The following RRM2 variants were observed in gnomAD, a reference collection of about 807,000 sequenced individuals.
RRM2 encodes ribonucleoside-diphosphate reductase subunit M2.
In RRM2, 6 loss-of-function variants were observed where a neutral mutation model predicts 45.9. The ratio of observed to expected loss-of-function variants is 0.13; its 90% CI spans 0.07 to 0.26. The LOEUF (loss-of-function observed/expected upper bound fraction) is 0.26, where lower values mean the gene tolerates loss of function less well. Among genes scored for constraint, RRM2 ranks in the 10% least tolerant of loss-of-function variants. The pLI, the probability that RRM2 is intolerant of heterozygous loss-of-function variation, is 1.00. For synonymous variants in RRM2, 177 were observed against 173.0 expected, an observed-to-expected ratio of 1.02 and a Z score of -0.18; for missense variants, 343 against 489.5, an observed-to-expected ratio of 0.70 and a Z score of 2.82.
At chr2:10,154,848 C>T (rs1042493992) in intron 3 of RRM2, among the ~76,000 whole-genome samples, 2 of 151,970 alleles carry the variant, frequency 1.3e-5, no homozygotes, top group Admixed American at 6.6e-5. Context: ...AGGCATGCGC[C>T]ACCATGCCTG....
In RRM2 at chr2:10,205,227, C is replaced by T. The variant is rs558978886; in HGVS notation, n.483-5084C>T. On this transcript the variant is annotated intron_variant and non_coding_transcript_variant, in intron 3 of 3. Transcript: ENST00000381786. This position sits in a 1 kb window ranked among gnomAD's most constrained non-coding sequence, Gnocchi z 4.8. ...CGTGGAGCAGGGGCTGAGGCCTGAG[C>T]GGTGAGTGGGGCTCGGTATTGACGA... 1.2e-4 allele frequency among the ~76,000 whole-genome samples: 18 copies of T among 152,244 alleles called. No individual in the cohort carries two copies. The South Asian group carries it at 3.1e-3, about 26-fold the overall frequency.
intron 7 of RRM2, among the ~76,000 whole-genome samples, chr2:10,128,022 C>A (rs533215835): frequency 6.6e-6 from 1 of 151,732 alleles, no homozygotes; most frequent in South Asian, 2.1e-4. Context: ...AAAAATTAGC[C>A]GGGTATGGTG....
In RRM2 at chr2:10,129,192, A is replaced by G; in HGVS notation, c.1017+38A>G. The G allele has an allele frequency of 6.2e-7, 1 of 1,614,004 alleles. No individual in the cohort carries two copies. The highest frequency in any genetic ancestry group is 8.5e-7 in the Non-Finnish European group (1 of 1,179,892). On this transcript the variant is annotated intron_variant, in intron 9 of 9. Coordinates refer to ENST00000304567, the MANE Select transcript of RRM2 (RefSeq NM_001034.4). This position sits in a 1 kb window ranked among gnomAD's most constrained non-coding sequence, Gnocchi z 4.8. ...TTACATAGCCTTTTGCTTGTTTTGA[A>G]GCTGGTGCTCTGTATTTATATCTTG...
intron 3 of RRM2, among the ~76,000 whole-genome samples, chr2:10,160,659 G>A (rs1176449656): frequency 3.3e-5 from 5 of 152,106 alleles, no homozygotes; most frequent in African/African-American, 7.2e-5. Flanking sequence ...AGGACCACCC[G>A]TGCAGACCAC....
At position 10,195,163 on chromosome 2, in the gene RRM2, G is replaced by C. The variant is rs112381155; in HGVS notation, n.483-15148G>C. ...GTCTGAGCTCCTGGGGAGCTACCGAGGGCAACAGGCATGTTCTGGAAGACC... is the reference window on the plus strand; with the variant it reads ...GTCTGAGCTCCTGGGGAGCTACCGACGGCAACAGGCATGTTCTGGAAGACC... On this transcript the variant is annotated intron_variant and non_coding_transcript_variant, in intron 3 of 3. Transcript: ENST00000381786. The surrounding 1 kb of genome is among the most constrained non-coding windows in gnomAD (Gnocchi z 4.9). 0.011 allele frequency among the ~76,000 whole-genome samples: 1,697 copies of C among 152,228 alleles called. 36 individuals are homozygous for C. Among genetic ancestry groups the C allele is most frequent in the African/African-American group, 0.039 (1,615 of 41,538 alleles).
In RRM2 at chr2:10,169,292, G is replaced by T. The variant is rs1383737451; in HGVS notation, n.482+26917G>T. ...TGTGCCCAGCTGCTTCTCTTTGTAA[G>T]TTCCCAAGTTGAAGCACCCCCTTCA... On this transcript the variant is annotated intron_variant and non_coding_transcript_variant, in intron 3 of 3. Transcript: ENST00000381786. This position sits in a 1 kb window ranked among gnomAD's most constrained non-coding sequence, Gnocchi z 5.1. 6.6e-6 allele frequency among the ~76,000 whole-genome samples: 1 copy of T among 152,002 alleles called. No individual in the cohort carries two copies. Among genetic ancestry groups the T allele is most frequent in the Non-Finnish European group, 1.5e-5 (1 of 68,008 alleles).
chr2:10,180,104 T>A (rs879529096), intron 3 of RRM2, among the ~76,000 whole-genome samples: 15 of 152,172 alleles, frequency 9.9e-5, no homozygotes, highest in Non-Finnish European at 2.2e-4. Context: ...GAGGTCTGGG[T>A]CTCAGCTGAG....
chr2:10,180,860 A>G (rs776816200), intron 3 of RRM2, among the ~76,000 whole-genome samples: 3 of 152,090 alleles, frequency 2.0e-5, no homozygotes, highest in Non-Finnish European at 4.4e-5. Flanking sequence ...TCTGCCTCCC[A>G]GGTTCAAGCG....
intron 3 of RRM2, among the ~76,000 whole-genome samples, chr2:10,183,035 C>T (rs1461493369): frequency 6.6e-6 from 1 of 152,048 alleles, no homozygotes; most frequent in Non-Finnish European, 1.5e-5. Context: ...AAAAATGAGC[C>T]AGGTATGGTG....
intron 3 of RRM2, among the ~76,000 whole-genome samples, chr2:10,151,822 C>T (rs1200791208): frequency 6.6e-6 from 1 of 152,178 alleles, no homozygotes; most frequent in African/African-American, 2.4e-5. Flanking sequence ...TAGTGTATAT[C>T]CTTGTGGTTT....
At chr2:10,187,464 A>G (rs998040366) in intron 3 of RRM2, among the ~76,000 whole-genome samples, 7 of 152,168 alleles carry the variant, frequency 4.6e-5, no homozygotes, top group Non-Finnish European at 8.8e-5. Flanking sequence ...GCAGTGAGAG[A>G]GGCTTTTTCT....
At chr2:10,203,846 G>T (rs1325240613) in intron 3 of RRM2, among the ~76,000 whole-genome samples, 2 of 151,992 alleles carry the variant, frequency 1.3e-5, no homozygotes, top group African/African-American at 4.8e-5. Context: ...GGGGCTCACG[G>T]TTAAGTCAAA....
chr2:10,131,885 C>A (rs1326424021), downstream of RRM2, among the ~76,000 whole-genome samples: 1 of 152,232 alleles, frequency 6.6e-6, no homozygotes, highest in Non-Finnish European at 1.5e-5. Context: ...AACTGCCATA[C>A]TGCACGTGGG....
intron 3 of RRM2, among the ~76,000 whole-genome samples, chr2:10,183,815 T>C (rs1273414152): frequency 7.2e-6 from 1 of 139,086 alleles, no homozygotes; most frequent in Non-Finnish European, 1.5e-5. Context: ...AAAGGCCAGG[T>C]GCGGTGGCTC....
chr2:10,178,479 TC>T (rs34686514), intron 3 of RRM2, among the ~76,000 whole-genome samples: 31,237 of 151,832 alleles, frequency 0.21, 3,552 homozygotes, highest in East Asian at 0.51. Flanking sequence ...TGTCTCGGCC[TC>T]CCAAAGTGCT....
At chr2:10,174,574 T>TAAAAAA (rs5829250) in intron 3 of RRM2, among the ~76,000 whole-genome samples, 1 of 143,506 alleles carries the variant, frequency 7.0e-6, no homozygotes. Flanking sequence ...ATTATTTCCT[T>TAAAAAA]AAAAAAAAAA....
At chr2:10,152,403 A>G (rs1663331916) in intron 3 of RRM2, among the ~76,000 whole-genome samples, 1 of 151,424 alleles carries the variant, frequency 6.6e-6, no homozygotes, top group Non-Finnish European at 1.5e-5. Flanking sequence ...TGAAAAAGTA[A>G]AAGACTTAAT....
intron 3 of RRM2, among the ~76,000 whole-genome samples, chr2:10,168,600 G>T (rs1228045959): frequency 2.0e-5 from 3 of 152,180 alleles, no homozygotes. Context: ...AACTCTGGGG[G>T]TTGGGGTGGG....
At chr2:10,201,159 AAAAGAAAGAAAG>A (rs898682325) in intron 3 of RRM2, among the ~76,000 whole-genome samples, 1 of 150,826 alleles carries the variant, frequency 6.6e-6, no homozygotes, top group Non-Finnish European at 1.5e-5. Flanking sequence ...AAAAAAAAAA[AAAAGAAAGAAAG>A]AAAGAAAGAA....
Sources: allele counts gnomAD v4.1 joint callset (sites outside exome capture counted in the v4.1 genomes callset), GRCh38; gene constraint gnomAD v4.1.1; non-coding constraint Gnocchi (gnomAD v3.1); transcripts MANE v1.5; gene names NCBI Gene and HGNC (gene_info 2026-07-23, HGNC 2026-07-21).